The following ABI1 variants were observed in gnomAD, a reference collection of about 807,000 sequenced individuals.
ABI1 encodes abl interactor 1.
In ABI1, 14 loss-of-function variants were observed where a neutral mutation model predicts 54.6. The observed-to-expected ratio is 0.26, with a 90% CI of 0.17 to 0.40. The LOEUF is 0.40. Ranked by LOEUF, ABI1 falls within the 10% of genes least tolerant of loss-of-function variation. The pLI, the probability that ABI1 is intolerant of heterozygous loss-of-function variation, is 1.00. For missense variants in ABI1, 443 were observed against 598.3 expected, an observed-to-expected ratio of 0.74 and a Z score of 2.71; for synonymous variants, 194 against 209.3, an observed-to-expected ratio of 0.93 and a Z score of 0.63.
intron 9 of ABI1, 102 bp from the exon 10 acceptor site, chr10:26,751,885 C>G (rs1006336671): frequency 3.7e-5 from 38 of 1,029,248 alleles, no homozygotes; most frequent in Non-Finnish European, 5.1e-5. Context: ...ACAGCATGCA[C>G]TATAATAAAA....
Position 26,765,323 on chromosome 10 carries a change from A to AAAG in ABI1, c.720-8_720-6dup. 1 of 1,572,302 alleles carries AAAG rather than the reference A, an allele frequency of 6.4e-7. No individual in the cohort carries two copies. Among genetic ancestry groups the AAAG allele is most frequent in the African/African-American group, 1.4e-5 (1 of 72,426 alleles). ...CCACTTCCTCCACTACTTCCACTGA[A>AAAG]AAGAAAAAAAAAAACTGTGAAAAAC... On this transcript the variant is annotated splice_polypyrimidine_tract_variant and splice_region_variant and intron_variant, in intron 6 of 10. Coordinates refer to ENST00000376140, the MANE Select transcript of ABI1 (RefSeq NM_001012750.3).
chr10:26,777,046 T>C lies in ABI1; in HGVS notation c.462+19A>G, dbSNP rs778028735. The C allele has an allele frequency of 1.3e-6, 2 of 1,545,486 alleles. No individual in the cohort carries two copies. Among genetic ancestry groups the C allele is most frequent in the Admixed American group, 2.2e-5 (1 of 45,248 alleles). ...CTGGATATGCAAATTAGCTTGTTAA[T>C]GTAATATAAAATGCTTACCTTGACA... On this transcript the variant is annotated intron_variant, in intron 3 of 10. Coordinates refer to ENST00000376140, the MANE Select transcript of ABI1 (RefSeq NM_001012750.3).
chr10:26,774,433 C>G (rs1208894291), intron 3 of ABI1, among the ~76,000 whole-genome samples: 2 of 152,158 alleles, frequency 1.3e-5, no homozygotes, highest in Non-Finnish European at 2.9e-5. Context: ...CAAGCCTTCT[C>G]TATTCTAGCT....
intron 1 of ABI1, among the ~76,000 whole-genome samples, chr10:26,827,202 C>T (rs990857329): frequency 3.3e-5 from 5 of 151,556 alleles, no homozygotes; most frequent in South Asian, 2.1e-4. Context: ...CGTGAGCCAC[C>T]GTGCCCGGCC....
intron 2 of ABI1, among the ~76,000 whole-genome samples, chr10:26,816,569 T>G (rs556247666): frequency 6.6e-6 from 1 of 152,182 alleles, no homozygotes; most frequent in Admixed American, 6.5e-5. Flanking sequence ...CAGAAAAAAA[T>G]GTGTGCTTCA....
At chr10:26,797,714 A>AT (rs778498732) in intron 2 of ABI1, among the ~76,000 whole-genome samples, 1 of 152,206 alleles carries the variant, frequency 6.6e-6, no homozygotes, top group Non-Finnish European at 1.5e-5. Context: ...TGCTGTTCAG[A>AT]TTAAAGAAAA....
chr10:26,794,864 C>A (rs796185977), intron 2 of ABI1, among the ~76,000 whole-genome samples: 61 of 152,196 alleles, frequency 4.0e-4, no homozygotes, highest in African/African-American at 1.4e-3. Context: ...TTACTTAGGG[C>A]CAGGAGTGGT....
Position 26,836,288 on chromosome 10 carries a change from T to C in ABI1, c.118-12983A>G, listed in dbSNP as rs1193052091. 2.0e-5 allele frequency among the ~76,000 whole-genome samples: 3 copies of C among 151,888 alleles called. No individual in the cohort carries two copies. The South Asian group carries it at 6.2e-4, about 32-fold the overall frequency. ...CCACCACACCTGGCTATTTTTTGTA[T>C]TTTTAGTAGAGACAGGGTTTCACCA... is the stretch of plus-strand genomic sequence containing the variant. On this transcript the variant is annotated intron_variant, in intron 1 of 10. Transcript: ENST00000376140.
intron 9 of ABI1, among the ~76,000 whole-genome samples, 190 bp downstream of exon 9, chr10:26,755,464 TA>T (rs891007688): frequency 6.6e-6 from 1 of 152,222 alleles, no homozygotes; most frequent in African/African-American, 2.4e-5. Flanking sequence ...TTGAAATTTA[TA>T]TGGGTCAGTA....
At chr10:26,826,945 G>A (rs1046616996) in intron 1 of ABI1, among the ~76,000 whole-genome samples, 6 of 150,748 alleles carry the variant, frequency 4.0e-5, no homozygotes, top group African/African-American at 9.7e-5. Flanking sequence ...ACGGAGTCTC[G>A]CTCTGTTGCT....
At chr10:26,853,318 A>AAT (rs1467763200) in intron 1 of ABI1, among the ~76,000 whole-genome samples, 15 of 151,016 alleles carry the variant, frequency 9.9e-5, no homozygotes, top group African/African-American at 3.2e-4. Flanking sequence ...TTTTTAAAAA[A>AAT]AATCCCTTTT....
intron 4 of ABI1, 90 bp downstream of exon 4, chr10:26,770,985 A>G: frequency 7.7e-7 from 1 of 1,299,408 alleles, no homozygotes; most frequent in Non-Finnish European, 1.1e-6. Context: ...GCAGACAGAC[A>G]TAAGAAGAGT....
At chr10:26,785,794 T>G (rs763024454) in intron 2 of ABI1, among the ~76,000 whole-genome samples, 5 of 151,954 alleles carry the variant, frequency 3.3e-5, no homozygotes, top group Non-Finnish European at 7.4e-5. Flanking sequence ...TACTACCTAT[T>G]ATCAAAGTTT....
Position 26,769,008 on chromosome 10 carries a change from G to A in ABI1, c.579-16C>T. The A allele has an allele frequency of 6.4e-7, 1 of 1,557,348 alleles. No homozygotes were observed. The highest frequency in any genetic ancestry group is 8.7e-7 in the Non-Finnish European group (1 of 1,154,522). On this transcript the variant is annotated splice_polypyrimidine_tract_variant and intron_variant, in intron 5 of 10. Coordinates refer to ENST00000376140, the MANE Select transcript of ABI1 (RefSeq NM_001012750.3). ...AGTATTCCGTCTAAAGGAGCATAGT[G>A]GAGAAAGGAATAATGAATAAAAAAG...
chr10:26,769,432 T>C, intron 5 of ABI1, among the ~76,000 whole-genome samples: 1 of 152,310 alleles, frequency 6.6e-6, no homozygotes, highest in East Asian at 1.9e-4. Flanking sequence ...TAATCATTAC[T>C]TTCTCAATAA....
At chr10:26,781,987 A>G (rs911830396) in intron 2 of ABI1, among the ~76,000 whole-genome samples, 3 of 152,186 alleles carry the variant, frequency 2.0e-5, no homozygotes, top group African/African-American at 7.2e-5. Flanking sequence ...TAGACTTATG[A>G]GTCCTGGAAA....
rs181808942 is a variant in ABI1 at position 26,760,334 on chromosome 10, T to C, written c.821-1096A>G. ...TGACAGAGTAAGTAAAAAGCCAGCG[T>C]CCTAGTTTATCTTCATTCAGTTGTC... On this transcript the variant is annotated intron_variant, in intron 7 of 10. Transcript: ENST00000376140. Among the ~76,000 whole-genome samples, 459 of 152,262 alleles carry C rather than the reference T, an allele frequency of 3.0e-3. 1 individual carries two copies. Among genetic ancestry groups the C allele is most frequent in the Non-Finnish European group, 4.4e-3 (296 of 68,016 alleles).
chr10:26,797,868 T>G (rs530858884), intron 2 of ABI1, among the ~76,000 whole-genome samples: 1 of 152,112 alleles, frequency 6.6e-6, no homozygotes, highest in Non-Finnish European at 1.5e-5. Context: ...TAAAGGATAA[T>G]AGGAAAACAA....
intron 1 of ABI1, chr10:26,839,765 A>C: frequency 1.4e-6 from 1 of 702,034 alleles, no homozygotes; most frequent in South Asian, 1.5e-5. Flanking sequence ...AGACACAGCA[A>C]CACAGCAAAA....
Sources: allele counts gnomAD v4.1 joint callset (sites outside exome capture counted in the v4.1 genomes callset), GRCh38; gene constraint gnomAD v4.1.1; transcripts MANE v1.5; gene names NCBI Gene and HGNC (gene_info 2026-07-23, HGNC 2026-07-21).